Variants in LARGE2 observed in about 807,000 individuals in gnomAD.
LARGE2 encodes the protein xylosyl- and glucuronyltransferase LARGE2.
LARGE2 carries 63 observed loss-of-function variants against 75.3 expected under a neutral mutation model. The observed-to-expected ratio is 0.84, with a 90% CI of 0.68 to 1.03. The LOEUF (loss-of-function observed/expected upper bound fraction) is 1.03, where lower values mean the gene tolerates loss of function less well. Among genes scored for constraint, LARGE2 ranks in the 50% least tolerant of loss-of-function variants. The pLI, the probability that LARGE2 is intolerant of heterozygous loss-of-function variation, is 0.00. For synonymous variants in LARGE2, 428 were observed against 420.1 expected (o/e 1.02, Z -0.23); for missense variants, 925 against 980.6 (o/e 0.94, Z 0.76).
intron 13 of LARGE2, 98 bp from the exon 14 acceptor site, chr11:45,928,532 C>G: frequency 6.5e-7 from 1 of 1,543,324 alleles, no homozygotes; most frequent in South Asian, 1.2e-5. Flanking sequence ...CTTGCTTTAG[C>G]TCTCAGGGGC....
rs1435412528 is a variant in LARGE2 at position 45,923,207 on chromosome 11, G to GC, written c.285+42dup. ...CCCTGGCGGCGGGAGTCCTGGGGGC[G>GC]CCGCCCCCGAGCCCGGCCTCTTGGA... On this transcript the variant is annotated intron_variant, in intron 2 of 13. Coordinates refer to ENST00000401752, the MANE Select transcript of LARGE2 (RefSeq NM_001300721.2). 3.8e-6 allele frequency: 5 copies of GC among 1,317,736 alleles called. No individual in the cohort carries two copies. The African/African-American group carries it at 6.2e-5, about 16-fold the overall frequency. The allele number at this position is 1,317,736 out of a possible 1,614,324, so 81.6% of individuals were successfully genotyped here.
upstream of LARGE2, among the ~76,000 whole-genome samples, chr11:45,922,156 G>C (rs1216945605): frequency 1.3e-5 from 2 of 152,084 alleles, no homozygotes; most frequent in African/African-American, 2.4e-5. Flanking sequence ...GGCAGGGCCC[G>C]GCCGGGCCAC....
chr11:45,926,980 C>T, intron 10 of LARGE2, 109 bp downstream of exon 10: 1 of 1,174,594 alleles, frequency 8.5e-7, no homozygotes, highest in Non-Finnish European at 1.2e-6. Flanking sequence ...GCTACCTGTC[C>T]CTCAGGGAGT....
intron 4 of LARGE2, 29 bp from the exon 5 acceptor site, chr11:45,924,477 A>G (rs534314905): frequency 3.1e-6 from 5 of 1,602,808 alleles, no homozygotes; most frequent in Non-Finnish European, 4.3e-6. Flanking sequence ...CCTCTCTGCC[A>G]TCTCATCTCC....
rs775751066 is a variant in LARGE2 at position 45,928,635 on chromosome 11, T to C, written c.1956T>C (p.Tyr652=). The change falls in exon 14 of 14, where the codon TAT becomes TAC. Residue 652 remains tyrosine, a synonymous_variant. Coordinates refer to ENST00000401752, the MANE Select transcript of LARGE2 (RefSeq NM_001300721.2). The part of the protein sequence containing the change: ...AHIVELDAQE[Y]ELLVLPEAFT... ...TCCTCTGCCCCACCCTGCAGGAATA[T>C]GAGCTCCTGGTGCTGCCCGAGGCCT... 1 of 1,613,316 alleles carries C rather than the reference T, an allele frequency of 6.2e-7. No individual in the cohort carries two copies. The highest frequency in any genetic ancestry group is 8.5e-7 in the Non-Finnish European group (1 of 1,179,408).
upstream of LARGE2, among the ~76,000 whole-genome samples, chr11:45,922,160 G>C (rs905015946): frequency 2.0e-5 from 3 of 152,008 alleles, no homozygotes; most frequent in Admixed American, 1.3e-4. Flanking sequence ...GGGCCCGGCC[G>C]GGCCACCTGG....
At chr11:45,926,985 G>A in intron 10 of LARGE2, 114 bp downstream of exon 10, 10 of 1,143,036 alleles carry the variant, frequency 8.7e-6, no homozygotes, top group Non-Finnish European at 1.2e-5. Context: ...CTGTCCCTCA[G>A]GGAGTTCCAG....
At chr11:45,924,371 C>T in intron 4 of LARGE2, 94 bp downstream of exon 4, 1 of 1,573,250 alleles carries the variant, frequency 6.4e-7, no homozygotes, top group South Asian at 1.2e-5. Flanking sequence ...ATCATCAGTC[C>T]CCCCTCCACC....
At chr11:45,927,290 T>TCCTCCCTCTCCCCATA in intron 10 of LARGE2, 25 bp from the exon 11 acceptor site, 1 of 1,602,642 alleles carries the variant, frequency 6.2e-7, no homozygotes, top group Non-Finnish European at 8.5e-7. Flanking sequence ...GGGGCAGAGC[T>TCCTCCCTCTCCCCATA]GTGCTGACCT....
intron 12 of LARGE2, 53 bp from the exon 13 acceptor site, chr11:45,928,124 C>A: frequency 6.2e-7 from 1 of 1,612,902 alleles, no homozygotes; most frequent in Non-Finnish European, 8.5e-7. Context: ...CTGGCCCCCA[C>A]TACCCACGAG....
Position 45,928,276 on chromosome 11 carries a change from C to T in LARGE2, c.1854C>T (p.Pro618=). 6.2e-7 allele frequency: 1 copy of T among 1,614,104 alleles called. No individual in the cohort carries two copies. The highest frequency in any genetic ancestry group is 8.5e-7 in the Non-Finnish European group (1 of 1,180,030). Residue 618 remains proline, a synonymous_variant, in exon 13 of 14, where the codon CCC becomes CCT. Coordinates refer to ENST00000401752, the MANE Select transcript of LARGE2 (RefSeq NM_001300721.2). ...TGCAATGGGCGGCCAACTATGAACC[C>T]TACGTGGTGGTGCCACGAGACTGTC... ...YRVQWAANYE[P]YVVVPRDCPR...
chr11:45,926,588 T>C lies in LARGE2; in HGVS notation c.1155T>C (p.Gly385=), dbSNP rs770663084. ...TGTGCCCCAGCCAGCCCCCACCTGGTGCTGAGCAGGTGAGAAGGAGTCACC... is the reference window on the plus strand; with the variant it reads ...TGTGCCCCAGCCAGCCCCCACCTGGCGCTGAGCAGGTGAGAAGGAGTCACC... The part of the protein sequence containing the change: ...LFVCPSQPPP[G]AEQLQQALAQ... The change falls in exon 9 of 14, where the codon GGT becomes GGC. Residue 385 remains glycine (G), a synonymous_variant. Transcript: ENST00000401752. 26 of 1,613,994 alleles carry C rather than the reference T, an allele frequency of 1.6e-5. No individual in the cohort carries two copies. In the Middle Eastern group the frequency reaches 4.9e-4, roughly 31 times the overall value.
chr11:45,923,103 C>G lies in LARGE2; in HGVS notation c.221C>G (p.Ala74Gly). The G allele has an allele frequency of 2.1e-6, 3 of 1,398,404 alleles. No individual in the cohort carries two copies. Among genetic ancestry groups the G allele is most frequent in the East Asian group, 3.1e-5 (1 of 32,512 alleles). 86.6% of individuals were successfully genotyped at this position (1,398,404 alleles called of 1,614,324 possible). A position where few individuals can be genotyped will look rare whatever the true frequency, so the allele number is the denominator to read the frequency against. ...RAAALDGDPG[A>G]GPGDHNRSDC... The stretch of plus-strand genomic sequence containing the variant: ...GCCGCCCTCGACGGAGACCCGGGGG[C>G]CGGCCCCGGGGACCACAACCGCTCC... The change falls in exon 2 of 14, where the codon GCC becomes GGC. Residue 74 changes from alanine to glycine, a missense_variant. Physicochemically the swap from Ala to Gly is moderately conservative, Grantham distance 60. Coordinates refer to ENST00000401752, the MANE Select transcript of LARGE2 (RefSeq NM_001300721.2).
chr11:45,923,362 C>G, intron 2 of LARGE2, 111 bp from the exon 3 acceptor site: 1 of 1,177,624 alleles, frequency 8.5e-7, no homozygotes, highest in Non-Finnish European at 1.2e-6. Context: ...GCTCCTGCTG[C>G]CCCCTCCGCA....
chr11:45,923,285 G>A, intron 2 of LARGE2, 118 bp downstream of exon 2: 2 of 1,213,864 alleles, frequency 1.6e-6, no homozygotes, highest in Non-Finnish European at 2.2e-6. Context: ...CCAGCCGGCT[G>A]GGGCGCACCT....
At position 45,924,401 on chromosome 11, in the gene LARGE2, C is replaced by T; in HGVS notation, c.493-105C>T. 3 of 1,562,450 alleles carry T rather than the reference C, an allele frequency of 1.9e-6. No individual in the cohort carries two copies. The South Asian group carries it at 3.6e-5, about 19-fold the overall frequency. On this transcript the variant is annotated intron_variant, in intron 4 of 13. Coordinates refer to ENST00000401752, the MANE Select transcript of LARGE2 (RefSeq NM_001300721.2). The stretch of plus-strand genomic sequence containing the variant: ...TCCACCTACTGAAGCGCAAACCCCT[C>T]TCTTTTGGGGGTTTACCCCCTCTCC...
At chr11:45,922,785 A>G in intron 1 of LARGE2, 36 bp from the exon 2 acceptor site, 1 of 1,019,414 alleles carries the variant, frequency 9.8e-7, no homozygotes. Flanking sequence ...CCCGCCGCCC[A>G]GGGCTGAGTC....
intron 3 of LARGE2, 50 bp downstream of exon 3, chr11:45,923,605 G>A (rs761379289): frequency 6.6e-7 from 1 of 1,505,966 alleles, no homozygotes; most frequent in Admixed American, 1.7e-5. Context: ...AAGGGACAAA[G>A]CCCGGGACAG....
intron 13 of LARGE2, 88 bp from the exon 14 acceptor site, chr11:45,928,542 C>T (rs1295815209): frequency 1.3e-6 from 2 of 1,552,282 alleles, no homozygotes; most frequent in African/African-American, 2.7e-5. Flanking sequence ...CTCTCAGGGG[C>T]TACAGGGTAA....
Sources: gnomAD v4.1 joint callset for allele counts (sites outside exome capture counted in the v4.1 genomes callset) on GRCh38, gnomAD v4.1.1 for gene constraint, MANE v1.5 for transcripts, NCBI Gene and HGNC (gene_info 2026-07-23, HGNC 2026-07-21) for gene names.